The following FAM193A variants were observed in gnomAD, a reference collection of about 807,000 sequenced individuals.
FAM193A encodes family with sequence similarity 193 member A, also known as protein FAM193A.
A neutral mutation model predicts 126.5 loss-of-function variants in FAM193A; 22 were observed. That is an observed-to-expected ratio of 0.17 (90% CI 0.12 to 0.25). The LOEUF is 0.25. Among genes scored for constraint, FAM193A ranks in the 10% least tolerant of loss-of-function variants. The pLI is 1.00. For synonymous variants in FAM193A, 761 were observed against 646.8 expected (o/e 1.18, Z -2.68); for missense variants, 1,675 against 1,672.8 (o/e 1.00, Z -0.02).
At position 2,601,245 on chromosome 4, in the gene FAM193A, T is replaced by TC. The variant is rs1393857563; in HGVS notation, c.501+4916_501+4917insC. 1.1e-3 allele frequency among the ~76,000 whole-genome samples: 171 copies of TC among 148,898 alleles called. 1 individual carries two copies. The highest frequency in any genetic ancestry group is 4.1e-3 in the African/African-American group (168 of 40,556). On this transcript the variant is annotated intron_variant, in intron 2 of 20. Coordinates refer to ENST00000637812, the MANE Select transcript of FAM193A (RefSeq NM_001366318.2). ...TCTTCTTCTTTTTTTTTTTTTTTTTTTTCCTGAGATGGAGTTTCTCTCTGT... is the reference window on the plus strand; with the variant it reads ...TCTTCTTCTTTTTTTTTTTTTTTTTTCTTCCTGAGATGGAGTTTCTCTCTGT...
intron 1 of FAM193A, among the ~76,000 whole-genome samples, chr4:2,553,646 T>A (rs1322146541): frequency 6.6e-6 from 1 of 152,188 alleles, no homozygotes; most frequent in East Asian, 1.9e-4. Flanking sequence ...TCCAAAGTGC[T>A]GGGATTACAG....
chr4:2,560,164 A>G (rs1017816924), intron 1 of FAM193A, among the ~76,000 whole-genome samples: 62 of 151,790 alleles, frequency 4.1e-4, no homozygotes, highest in African/African-American at 1.4e-3. Flanking sequence ...GCTGGTCTCA[A>G]ACTCCCGACC....
chr4:2,614,008 C>T (rs916099823), intron 2 of FAM193A, among the ~76,000 whole-genome samples: 8 of 146,852 alleles, frequency 5.4e-5, no homozygotes, highest in Admixed American at 2.0e-4. Flanking sequence ...CTCCTGGCCT[C>T]GTGATCCATG....
chr4:2,593,418 T>C (rs1306223281), intron 1 of FAM193A, among the ~76,000 whole-genome samples: 1 of 152,248 alleles, frequency 6.6e-6, no homozygotes, highest in Non-Finnish European at 1.5e-5. Context: ...CCATGTCGGC[T>C]TCGGGGGTCT....
At position 2,638,943 on chromosome 4, in the gene FAM193A, C is replaced by T. The variant is rs1304616455; in HGVS notation, c.1039-792C>T. Among the ~76,000 whole-genome samples, 4 of 152,156 alleles carry T rather than the reference C, an allele frequency of 2.6e-5. No homozygotes were observed. The South Asian group carries it at 6.2e-4, about 24-fold the overall frequency. Reference sequence around the variant, plus strand: ...GATGAAGTGCAGCTTCCAGAGCTGGCGGTTGTTGAAGTCAGGAACATTCAC... The same window carrying T: ...GATGAAGTGCAGCTTCCAGAGCTGGTGGTTGTTGAAGTCAGGAACATTCAC... On this transcript the variant is annotated intron_variant, in intron 5 of 20. Coordinates refer to ENST00000637812, the MANE Select transcript of FAM193A (RefSeq NM_001366318.2).
chr4:2,639,315 A>G (rs947909163), intron 5 of FAM193A, among the ~76,000 whole-genome samples: 31 of 152,198 alleles, frequency 2.0e-4, no homozygotes, highest in African/African-American at 7.5e-4. Flanking sequence ...GTTTCTCCAA[A>G]TAGGTAAGAA....
At chr4:2,550,624 C>T (rs1348435667) in intron 1 of FAM193A, among the ~76,000 whole-genome samples, 3 of 150,612 alleles carry the variant, frequency 2.0e-5, no homozygotes, top group East Asian at 2.0e-4. Context: ...TTAGTACAGA[C>T]GGGGTTTCTC....
At chr4:2,637,389 C>G (rs902698239) in intron 5 of FAM193A, among the ~76,000 whole-genome samples, 7 of 152,152 alleles carry the variant, frequency 4.6e-5, no homozygotes, top group Non-Finnish European at 1.0e-4. Flanking sequence ...ATAAAATTGT[C>G]ACTAGGCTTA....
intron 13 of FAM193A, among the ~76,000 whole-genome samples, chr4:2,681,429 TAGGG>T (rs1715107319): frequency 6.6e-6 from 1 of 152,100 alleles, no homozygotes. Context: ...GATGTGAAGT[TAGGG>T]AGGGTTTTTT....
At chr4:2,717,599 A>G (rs1432600742) in intron 20 of FAM193A, among the ~76,000 whole-genome samples, 4 of 53,088 alleles carry the variant, frequency 7.5e-5, no homozygotes, top group Non-Finnish European at 1.7e-4. Flanking sequence ...TTGTCTCAGG[A>G]AAAAAAAAAA....
At chr4:2,586,744 C>T (rs1740262278) in intron 1 of FAM193A, among the ~76,000 whole-genome samples, 1 of 152,172 alleles carries the variant, frequency 6.6e-6, no homozygotes, top group African/African-American at 2.4e-5. Flanking sequence ...GCCTCAACCT[C>T]CTGGGCTCAA....
chr4:2,551,678 C>G (rs1271682432), intron 1 of FAM193A, among the ~76,000 whole-genome samples: 1 of 151,990 alleles, frequency 6.6e-6, no homozygotes, highest in African/African-American at 2.4e-5. Flanking sequence ...TTCTTCCTTG[C>G]CAGTCTTAAT....
intron 1 of FAM193A, among the ~76,000 whole-genome samples, chr4:2,555,068 G>C (rs1399790946): frequency 1.3e-5 from 2 of 152,046 alleles, no homozygotes; most frequent in African/African-American, 4.8e-5. Flanking sequence ...ACTTATTGGA[G>C]ACCTTTTTTC....
intron 2 of FAM193A, among the ~76,000 whole-genome samples, chr4:2,622,713 G>A (rs551415522): frequency 6.6e-6 from 1 of 152,274 alleles, no homozygotes; most frequent in South Asian, 2.1e-4. Flanking sequence ...TTCATAGCTG[G>A]TGCCCTCTCT....
chr4:2,668,181 A>G (rs922150349), intron 12 of FAM193A, among the ~76,000 whole-genome samples: 1 of 150,246 alleles, frequency 6.7e-6, no homozygotes, highest in Non-Finnish European at 1.5e-5. Context: ...CTAAGATTAC[A>G]CTTAACCAGT....
intron 1 of FAM193A, among the ~76,000 whole-genome samples, chr4:2,576,420 C>T (rs949426663): frequency 6.6e-6 from 1 of 152,120 alleles, no homozygotes; most frequent in Admixed American, 6.6e-5. Context: ...AACATTAGAG[C>T]GGGATGCAGT....
chr4:2,556,968 C>A (rs1229197463), intron 1 of FAM193A, among the ~76,000 whole-genome samples: 1 of 152,178 alleles, frequency 6.6e-6, no homozygotes, highest in South Asian at 2.1e-4. Context: ...AGAAAAGTCA[C>A]CAAGATAGTA....
At chr4:2,568,552 G>T (rs924075979) in intron 1 of FAM193A, among the ~76,000 whole-genome samples, 1 of 152,098 alleles carries the variant, frequency 6.6e-6, no homozygotes, top group African/African-American at 2.4e-5. Flanking sequence ...ATCATATTTG[G>T]GTCTGTAGAA....
At chr4:2,571,016 A>C (rs1204714402) in intron 1 of FAM193A, among the ~76,000 whole-genome samples, 1 of 152,152 alleles carries the variant, frequency 6.6e-6, no homozygotes, top group Non-Finnish European at 1.5e-5. Flanking sequence ...GGGTGTGGGC[A>C]GCTGTCTGTG....
Sources: gnomAD v4.1 joint callset for allele counts (sites outside exome capture counted in the v4.1 genomes callset) on GRCh38, gnomAD v4.1.1 for gene constraint, MANE v1.5 for transcripts, NCBI Gene and HGNC (gene_info 2026-07-23, HGNC 2026-07-21) for gene names.